ATP4A: variants seen among roughly 807,000 people sequenced by gnomAD.
The protein encoded by ATP4A is ATPase H+/K+ transporting subunit alpha, also known as potassium-transporting ATPase alpha chain 1.
ATP4A carries 73 observed loss-of-function variants against 112.1 expected under a neutral mutation model. The ratio of observed to expected loss-of-function variants is 0.65; its 90% CI spans 0.54 to 0.79. The LOEUF is 0.79. Among genes scored for constraint, ATP4A ranks in the 30% least tolerant of loss-of-function variants. ATP4A has a pLI of 0.00. For synonymous variants in ATP4A, 588 were observed against 588.9 expected (o/e 1.00, Z 0.02); for missense variants, 1,081 against 1,425.9 (o/e 0.76, Z 3.90).
Position 35,560,632 on chromosome 19 carries a change from C to G in ATP4A, c.535-17G>C, listed in dbSNP as rs200906051. 1.2e-6 allele frequency: 2 copies of G among 1,601,248 alleles called. No individual in the cohort carries two copies. Among genetic ancestry groups the G allele is most frequent in the East Asian group, 4.5e-5 (2 of 44,550 alleles). ...AGTGGCTTGCTGCGGGGCAGGGGCA[C>G]CAAAGTTGAGGTGGACGGGGGTGGG... On this transcript the variant is annotated splice_polypyrimidine_tract_variant and intron_variant, in intron 5 of 21. Transcript: ENST00000262623. This position sits in a 1 kb window ranked among gnomAD's most constrained non-coding sequence, Gnocchi z 5.1.
Position 35,555,445 on chromosome 19 carries a change from G to A in ATP4A, c.2152C>T (p.Arg718Trp), listed in dbSNP as rs755428118. The A allele has an allele frequency of 1.4e-5, 22 of 1,611,506 alleles. No homozygotes were observed. The highest frequency in any genetic ancestry group is 3.3e-4 in the Middle Eastern group (2 of 6,076). The stretch of plus-strand genomic sequence containing the variant: ...CCCTCATCAGCAGGGCTCACCAGCC[G>A]CTGGCAGCTCTCCACGATCACCAGC... ...QKLVIVESCQ[R>W]LGAIVAVTGD... is the part of the protein sequence containing the mutation. The change falls in exon 14 of 22, where the codon CGG becomes TGG. Residue 718 changes from arginine to tryptophan, a missense_variant. By Grantham distance (101) the Arg-to-Trp change is moderately radical. Coordinates refer to ENST00000262623, the MANE Select transcript of ATP4A (RefSeq NM_000704.3). The surrounding 1 kb of genome is among the most constrained non-coding windows in gnomAD (Gnocchi z 6.6).
Position 35,551,352 on chromosome 19 carries a change from C to A in ATP4A, c.2885+95G>T. ...CATGTCACCATCTGGCACTGGCACC[C>A]GCTGGCATTTGCCGGCTGTTCTAAA... On this transcript the variant is annotated intron_variant, in intron 19 of 21. Transcript: ENST00000262623. This position sits in a 1 kb window ranked among gnomAD's most constrained non-coding sequence, Gnocchi z 5.2. The A allele has an allele frequency of 6.3e-7, 1 of 1,584,040 alleles. No individual in the cohort carries two copies.
In ATP4A at chr19:35,551,689, T is replaced by G. The variant is rs1278610389; in HGVS notation, c.2752-109A>C. On this transcript the variant is annotated intron_variant, in intron 18 of 21. Coordinates refer to ENST00000262623, the MANE Select transcript of ATP4A (RefSeq NM_000704.3). The surrounding 1 kb of genome is among the most constrained non-coding windows in gnomAD (Gnocchi z 5.2). ...CCCAGGGCCGTGAACCCCTAAATGC[T>G]CTCTCTGCCTTGCATCAGAGTGTGG... 1 of 1,381,672 alleles carries G rather than the reference T, an allele frequency of 7.2e-7. No individual in the cohort carries two copies. The allele number at this position is 1,381,672 out of a possible 1,614,324, so 85.6% of individuals were successfully genotyped here. A position where few individuals can be genotyped will look rare whatever the true frequency, so the allele number is the denominator to read the frequency against.
Position 35,555,072 on chromosome 19 carries a change from T to C in ATP4A, c.2331A>G (p.Arg777=), listed in dbSNP as rs752417012. ...ACTTCTTCAGGTTGTCGAAGATCAG[T>C]CGACCTGTGGGGTAGGGTGGGCACC... The part of the protein sequence containing the change: ...ASIVTGVEQG[R]LIFDNLKKSI... Residue 777 remains arginine, a synonymous_variant, in exon 16 of 22, where the codon CGA becomes CGG. Coordinates refer to ENST00000262623, the MANE Select transcript of ATP4A (RefSeq NM_000704.3). The surrounding 1 kb of genome is among the most constrained non-coding windows in gnomAD (Gnocchi z 6.6). 1.2e-6 allele frequency: 2 copies of C among 1,613,328 alleles called. No individual in the cohort carries two copies. Among genetic ancestry groups the C allele is most frequent in the Non-Finnish European group, 1.7e-6 (2 of 1,179,534 alleles).
Position 35,550,253 on chromosome 19 carries a change from A to C in ATP4A, c.*362T>G. The C allele has an allele frequency of 3.2e-6, 1 of 312,270 alleles. No homozygotes were observed. Among genetic ancestry groups the C allele is most frequent in the Non-Finnish European group, 6.0e-6 (1 of 165,342 alleles). The allele number at this position is 312,270 out of a possible 1,614,324, so 19.3% of individuals were successfully genotyped here. A position where few individuals can be genotyped will look rare whatever the true frequency, so the allele number is the denominator to read the frequency against. On this transcript the variant is annotated 3_prime_UTR_variant, in exon 22 of 22. Coordinates refer to ENST00000262623, the MANE Select transcript of ATP4A (RefSeq NM_000704.3). The surrounding 1 kb of genome is among the most constrained non-coding windows in gnomAD (Gnocchi z 4.1). ...TCGCCCAGGACACAAGCGTGTCTTT[A>C]ACGAAGGGCCCTCAGGCAGCCGTCC...
In ATP4A at chr19:35,555,197, G is replaced by A. The variant is rs766299190; in HGVS notation, c.2295C>T (p.Asn765=). The change falls in exon 15 of 22, where the codon AAC becomes AAT. Residue 765 remains asparagine (N), a synonymous_variant. Transcript: ENST00000262623. The surrounding 1 kb of genome is among the most constrained non-coding windows in gnomAD (Gnocchi z 6.6). ...NAADMILLDD[N]FASIVTGVEQ... is the part of the protein sequence containing the mutation. The stretch of plus-strand genomic sequence containing the variant: ...CCACGCCTGTCACAATGGAGGCAAA[G>A]TTGTCATCCAGCAGGATCATGTCAG... The A allele has an allele frequency of 1.2e-6, 2 of 1,614,166 alleles. No individual in the cohort carries two copies. The highest frequency in any genetic ancestry group is 2.2e-5 in the East Asian group (1 of 44,878).
At chr19:35,562,661 G>A (rs1481729171) in intron 3 of ATP4A, 23 bp from the exon 4 acceptor site, 1 of 1,560,294 alleles carries the variant, frequency 6.4e-7, no homozygotes, top group Non-Finnish European at 8.7e-7. Flanking sequence ...GGCAGGGCGA[G>A]GCGGTCCTGG....
At position 35,559,645 on chromosome 19, in the gene ATP4A, A is replaced by G. The variant is rs962914394; in HGVS notation, c.1056+160T>C. 4.7e-4 allele frequency among the ~76,000 whole-genome samples: 72 copies of G among 152,300 alleles called. No individual in the cohort carries two copies. The highest frequency in any genetic ancestry group is 1.5e-3 in the African/African-American group (64 of 41,574). On this transcript the variant is annotated intron_variant, in intron 7 of 21. Coordinates refer to ENST00000262623, the MANE Select transcript of ATP4A (RefSeq NM_000704.3). This position sits in a 1 kb window ranked among gnomAD's most constrained non-coding sequence, Gnocchi z 4.1. The stretch of plus-strand genomic sequence containing the variant: ...GGACTTGCCCCAGGGTTGCCTCGGG[A>G]AGGACTTGCTGAATGAGTGGATGAT...
rs376131552 is a variant in ATP4A at position 35,558,947 on chromosome 19, A to T, written c.1255+46T>A. On this transcript the variant is annotated intron_variant, in intron 8 of 21. Transcript: ENST00000262623. This position sits in a 1 kb window ranked among gnomAD's most constrained non-coding sequence, Gnocchi z 5.1. ...CCCTATCCCTCTTCAGGTCTCCACCATCCACCAGATCCTGCCCTGGCGCCT... is the reference window on the plus strand; with the variant it reads ...CCCTATCCCTCTTCAGGTCTCCACCTTCCACCAGATCCTGCCCTGGCGCCT... 58 of 1,607,102 alleles carry T rather than the reference A, an allele frequency of 3.6e-5. No individual in the cohort carries two copies. The African/African-American group carries it at 7.6e-4, about 21-fold the overall frequency.
intron 3 of ATP4A, 141 bp from the exon 4 acceptor site, chr19:35,562,779 C>A (rs1411096319): frequency 4.9e-6 from 4 of 814,390 alleles, no homozygotes; most frequent in African/African-American, 1.7e-5. Flanking sequence ...TGGTTCCTGC[C>A]CCCACCCCAT....
intron 16 of ATP4A, among the ~76,000 whole-genome samples, chr19:35,554,560 G>GTCT (rs2071619439): frequency 6.6e-6 from 1 of 152,104 alleles, no homozygotes; most frequent in Non-Finnish European, 1.5e-5. Context: ...TCTGCCATGG[G>GTCT]GTCTATCTGA....
rs760976321 is a variant in ATP4A, at chr19:35,557,617, T to C, written c.1693+38A>G. 1.8e-5 allele frequency: 28 copies of C among 1,568,426 alleles called. No individual in the cohort carries two copies. Among genetic ancestry groups the C allele is most frequent in the Non-Finnish European group, 2.3e-5 (27 of 1,156,174 alleles). ...GGGCAGGGTCTGTGCTAGCTCCTCC[T>C]CGCACCTGGAGTCTCCTCCCCTGCC... On this transcript the variant is annotated intron_variant, in intron 11 of 21. Coordinates refer to ENST00000262623, the MANE Select transcript of ATP4A (RefSeq NM_000704.3). This position sits in a 1 kb window ranked among gnomAD's most constrained non-coding sequence, Gnocchi z 4.4.
At chr19:35,552,840 C>T (rs1043452165) in intron 18 of ATP4A, among the ~76,000 whole-genome samples, 197 bp downstream of exon 18, 3 of 152,168 alleles carry the variant, frequency 2.0e-5, no homozygotes, top group Non-Finnish European at 2.9e-5. Flanking sequence ...TCTGCAGTTG[C>T]GATCATCAGA....
intron 18 of ATP4A, among the ~76,000 whole-genome samples, chr19:35,552,297 G>A (rs543902006): frequency 6.6e-6 from 1 of 152,234 alleles, no homozygotes; most frequent in South Asian, 2.1e-4. Flanking sequence ...CATTTAATCC[G>A]CTGGGTAACC....
In ATP4A at chr19:35,553,822, G is replaced by A; in HGVS notation, c.2489C>T (p.Ser830Phe). Reference sequence around the variant, plus strand: ...GGCCTTTTCATATGCCAGGGACACAGATGGGAACTGGCCAGGAGTGGAAGG... The same window carrying A: ...GGCCTTTTCATATGCCAGGGACACAAATGGGAACTGGCCAGGAGTGGAAGG... ...FIELCTDIFPSVSLAYEKAES... is the reference protein window; with the variant it reads ...FIELCTDIFPFVSLAYEKAES... Residue 830 changes from serine to phenylalanine, a missense_variant, in exon 17 of 22, where the codon TCT becomes TTT. By Grantham distance (155) the Ser-to-Phe change is radical. Transcript: ENST00000262623. 2 of 1,575,818 alleles carry A rather than the reference G, an allele frequency of 1.3e-6. No homozygotes were observed. Among genetic ancestry groups the A allele is most frequent in the Non-Finnish European group, 1.7e-6 (2 of 1,160,298 alleles).
At chr19:35,556,887 A>C (rs936497289) in intron 12 of ATP4A, 26 bp downstream of exon 12, 1 of 1,606,720 alleles carries the variant, frequency 6.2e-7, no homozygotes, top group African/African-American at 1.3e-5. Flanking sequence ...TCCTCACTCC[A>C]CTTGTTCCTC....
In ATP4A at chr19:35,558,915, C is replaced by T. The variant is rs2071650309; in HGVS notation, c.1255+78G>A. ...CGCCCCGCCTTCGTACAAAGCCCTC[C>T]CTACCTCCCTATCCCTCTTCAGGTC... is the stretch of plus-strand genomic sequence containing the variant. On this transcript the variant is annotated intron_variant, in intron 8 of 21. Coordinates refer to ENST00000262623, the MANE Select transcript of ATP4A (RefSeq NM_000704.3). This position sits in a 1 kb window ranked among gnomAD's most constrained non-coding sequence, Gnocchi z 5.1. 2.6e-6 allele frequency: 4 copies of T among 1,556,740 alleles called. No homozygotes were observed. Among genetic ancestry groups the T allele is most frequent in the Middle Eastern group, 1.7e-4 (1 of 5,846 alleles).
intron 16 of ATP4A, 21 bp from the exon 17 acceptor site, chr19:35,553,850 C>T (rs1337949349): frequency 1.3e-6 from 2 of 1,555,264 alleles, no homozygotes. Flanking sequence ...GTGGAAGGAA[C>T]TGGGACTGAG....
chr19:35,550,601 A>G lies in ATP4A; in HGVS notation c.*14T>C. The G allele has an allele frequency of 1.2e-6, 2 of 1,613,828 alleles. No homozygotes were observed. Among genetic ancestry groups the G allele is most frequent in the Non-Finnish European group, 1.7e-6 (2 of 1,179,848 alleles). On this transcript the variant is annotated 3_prime_UTR_variant, in exon 22 of 22. Transcript: ENST00000262623. This position sits in a 1 kb window ranked among gnomAD's most constrained non-coding sequence, Gnocchi z 4.1. ...CTGTGGCAGTTGCAGGGATGCTTGA[A>G]GGCAGTCGTCCCTCTAATAGTAGAG...
Sources: allele counts gnomAD v4.1 joint callset (sites outside exome capture counted in the v4.1 genomes callset), GRCh38; gene constraint gnomAD v4.1.1; non-coding constraint Gnocchi (gnomAD v3.1); transcripts MANE v1.5; gene names NCBI Gene and HGNC (gene_info 2026-07-23, HGNC 2026-07-21).